Variants in PLCB4 observed in about 807,000 individuals in gnomAD.
PLCB4 encodes the protein 1-phosphatidylinositol 4,5-bisphosphate phosphodiesterase beta-4.
In PLCB4, 77 loss-of-function variants were observed where a neutral mutation model predicts 178.8. That is an observed-to-expected ratio of 0.43 (90% CI 0.36 to 0.52). The LOEUF is 0.52. Among genes scored for constraint, PLCB4 ranks in the 20% least tolerant of loss-of-function variants. The probability of loss-of-function intolerance (pLI) is 0.00; values close to 1 mark genes in which losing one functional copy is unlikely to be tolerated. For synonymous variants in PLCB4, 496 were observed against 490.8 expected (o/e 1.01, Z -0.14); for missense variants, 1,024 against 1,453.4 (o/e 0.70, Z 4.80).
chr20:9,392,766 T>C lies in PLCB4; in HGVS notation c.1324-822T>C, dbSNP rs1472037757. Among the ~76,000 whole-genome samples, 5 of 152,300 alleles carry C rather than the reference T, an allele frequency of 3.3e-5. No homozygotes were observed. In the East Asian group the frequency reaches 5.8e-4, roughly 18 times the overall value. On this transcript the variant is annotated intron_variant, in intron 17 of 39. Coordinates refer to ENST00000378473, the MANE Select transcript of PLCB4 (RefSeq NM_001377142.1). ...AGATCACTGGGGAATGGGCCAGTTA[T>C]ACCACGCTGCTGGAAGGAAACAGCA...
intron 3 of PLCB4, among the ~76,000 whole-genome samples, chr20:9,236,503 G>A (rs1239348968): frequency 6.6e-6 from 1 of 152,140 alleles, no homozygotes; most frequent in Non-Finnish European, 1.5e-5. Flanking sequence ...GCAGAGAAGA[G>A]CCTACTTAGA....
chr20:9,069,595 C>T (rs2146449949), intron 1 of PLCB4, among the ~76,000 whole-genome samples: 1 of 152,302 alleles, frequency 6.6e-6, no homozygotes, highest in East Asian at 1.9e-4. Context: ...AAATGATTGA[C>T]CGTTTCCACT....
At chr20:9,159,288 A>G (rs2092843665) in intron 2 of PLCB4, among the ~76,000 whole-genome samples, 1 of 152,196 alleles carries the variant, frequency 6.6e-6, no homozygotes, top group Admixed American at 6.5e-5. Context: ...TGGTTGAAAC[A>G]TCAGAGAGCT....
intron 25 of PLCB4, among the ~76,000 whole-genome samples, chr20:9,416,899 T>G (rs904998539): frequency 6.6e-6 from 1 of 152,210 alleles, no homozygotes; most frequent in Non-Finnish European, 1.5e-5. Context: ...TTGTTCAGTC[T>G]TAGAAGATAA....
intron 2 of PLCB4, among the ~76,000 whole-genome samples, chr20:9,131,439 A>G (rs1237179530): frequency 6.6e-6 from 1 of 152,138 alleles, no homozygotes; most frequent in Non-Finnish European, 1.5e-5. Context: ...TGTGACTGGT[A>G]ATAACTTTAC....
chr20:9,288,251 A>T (rs1002603599), intron 3 of PLCB4, among the ~76,000 whole-genome samples: 1 of 152,076 alleles, frequency 6.6e-6, no homozygotes, highest in Non-Finnish European at 1.5e-5. Flanking sequence ...CTGAAAGTTC[A>T]CTAATTTTAT....
intron 3 of PLCB4, among the ~76,000 whole-genome samples, chr20:9,258,786 G>T (rs1337817211): frequency 2.0e-5 from 3 of 151,514 alleles, no homozygotes; most frequent in Admixed American, 1.3e-4. Flanking sequence ...ATGGTTTGGA[G>T]GTAAAATTAT....
Position 9,437,157 on chromosome 20 carries a change from G to A in PLCB4, c.2764+5G>A. 1.2e-6 allele frequency: 2 copies of A among 1,613,306 alleles called. No individual in the cohort carries two copies. Among genetic ancestry groups the A allele is most frequent in the South Asian group, 1.1e-5 (1 of 91,048 alleles). On this transcript the variant is annotated splice_donor_5th_base_variant and intron_variant, in intron 30 of 39. Transcript: ENST00000378473. ...CTGGTGTGGAAGCCAAGAAAGGTGA[G>A]AGAGAGCCGTTGGGTTCCTTATCTT...
At chr20:9,134,450 C>A (rs1045451610) in intron 2 of PLCB4, among the ~76,000 whole-genome samples, 4 of 151,912 alleles carry the variant, frequency 2.6e-5, no homozygotes. Context: ...TGTATAACCC[C>A]ATTTTTTTTA....
intron 2 of PLCB4, among the ~76,000 whole-genome samples, chr20:9,195,499 A>G (rs1601062977): frequency 1.3e-5 from 2 of 152,226 alleles, no homozygotes; most frequent in African/African-American, 4.8e-5. Flanking sequence ...GCAGGTGGGT[A>G]TCATCAGCAG....
At position 9,156,190 on chromosome 20, in the gene PLCB4, G is replaced by A. The variant is rs922697443; in HGVS notation, c.-79+59848G>A. Among the ~76,000 whole-genome samples, 4 of 152,166 alleles carry A rather than the reference G, an allele frequency of 2.6e-5. No homozygotes were observed. In the South Asian group the frequency reaches 6.2e-4, roughly 24 times the overall value. On this transcript the variant is annotated intron_variant, in intron 2 of 39. Coordinates refer to ENST00000378473, the MANE Select transcript of PLCB4 (RefSeq NM_001377142.1). ...CTTCATCTCCAGATTGTTTCTGGAA[G>A]TCCTGTGGGCAGCTCTTTAACACTG...
In PLCB4 at chr20:9,262,657, A is replaced by C. The variant is rs140285730; in HGVS notation, c.-15-45143A>C. 6.8e-4 allele frequency among the ~76,000 whole-genome samples: 104 copies of C among 152,248 alleles called. No individual in the cohort carries two copies. The East Asian group carries it at 0.019, about 28-fold the overall frequency. ...AGAAGGTTACATGGTTTTTCACAGG[A>C]AGCTCCAGGAAGCTGCCTGGTACTG... On this transcript the variant is annotated intron_variant, in intron 3 of 39. Transcript: ENST00000378473.
chr20:9,313,983 C>G (rs79514307), intron 4 of PLCB4, among the ~76,000 whole-genome samples: 2 of 152,098 alleles, frequency 1.3e-5, no homozygotes, highest in Non-Finnish European at 2.9e-5. Flanking sequence ...TGAGGAGGCC[C>G]GTTTCAGGCT....
intron 4 of PLCB4, among the ~76,000 whole-genome samples, chr20:9,311,165 C>A (rs2094828759): frequency 6.6e-6 from 1 of 152,166 alleles, no homozygotes; most frequent in Admixed American, 6.5e-5. Context: ...TCTGAAGAAC[C>A]CATTCCCTGG....
chr20:9,104,845 C>G (rs2091304262), intron 2 of PLCB4, among the ~76,000 whole-genome samples: 1 of 152,006 alleles, frequency 6.6e-6, no homozygotes, highest in Non-Finnish European at 1.5e-5. Context: ...TGTAGTATGT[C>G]TTTCTGTTAC....
chr20:9,424,301 T>C (rs1453500180), intron 28 of PLCB4, among the ~76,000 whole-genome samples: 1 of 152,184 alleles, frequency 6.6e-6, no homozygotes, highest in Non-Finnish European at 1.5e-5. Context: ...AGATATCTTA[T>C]CAATAGTATC....
chr20:9,196,298 G>A (rs1188841379), intron 2 of PLCB4, among the ~76,000 whole-genome samples: 2 of 152,196 alleles, frequency 1.3e-5, no homozygotes, highest in African/African-American at 2.4e-5. Flanking sequence ...AATGGAATAG[G>A]AGGGCCATAT....
intron 25 of PLCB4, 107 bp from the exon 26 acceptor site, chr20:9,419,700 G>T: frequency 1.3e-6 from 1 of 769,994 alleles, no homozygotes; most frequent in East Asian, 2.4e-5. Flanking sequence ...TAAAATCCTA[G>T]CTCCTGTGTT....
intron 2 of PLCB4, among the ~76,000 whole-genome samples, chr20:9,165,716 A>G (rs565024199): frequency 7.2e-5 from 11 of 152,048 alleles, no homozygotes; most frequent in African/African-American, 2.2e-4. Flanking sequence ...AACATTTTAC[A>G]TTCTCTGAGC....
Sources: allele counts gnomAD v4.1 joint callset (sites outside exome capture counted in the v4.1 genomes callset), GRCh38; gene constraint gnomAD v4.1.1; transcripts MANE v1.5; gene names NCBI Gene and HGNC (gene_info 2026-07-23, HGNC 2026-07-21).